The following SPPL3 variants were observed in gnomAD, a reference collection of about 807,000 sequenced individuals.
SPPL3 encodes the protein signal peptide peptidase like 3.
SPPL3 carries 5 observed loss-of-function variants against 42.4 expected under a neutral mutation model. That is an observed-to-expected ratio of 0.12 (90% CI 0.06 to 0.25). The LOEUF is 0.25. Among genes scored for constraint, SPPL3 ranks in the 10% least tolerant of loss-of-function variants. SPPL3 has a pLI of 1.00. For synonymous variants in SPPL3, 195 were observed against 181.8 expected (o/e 1.07, Z -0.58); for missense variants, 235 against 489.0 (o/e 0.48, Z 4.90).
rs112789899 is a variant in SPPL3 at position 120,896,662 on chromosome 12, C to G, written c.23+7183G>C. Among the ~76,000 whole-genome samples, 598 of 152,056 alleles carry G rather than the reference C, an allele frequency of 3.9e-3. 4 individuals carry two copies. Among genetic ancestry groups the G allele is most frequent in the African/African-American group, 0.013 (536 of 41,438 alleles). On this transcript the variant is annotated intron_variant, in intron 1 of 10. Transcript: ENST00000353487. The stretch of plus-strand genomic sequence containing the variant: ...GGCATGGTGGTGTGCACCTGTAATC[C>G]CAGATACTTGGGAGGCTGAGGCAAG...
At chr12:120,847,288 A>T (rs954643657) in intron 1 of SPPL3, among the ~76,000 whole-genome samples, 1 of 151,930 alleles carries the variant, frequency 6.6e-6, no homozygotes, top group African/African-American at 2.4e-5. Context: ...GTTTATTTTT[A>T]TTTATTTATT....
At chr12:120,872,020 T>C (rs771258747) in intron 1 of SPPL3, among the ~76,000 whole-genome samples, 1 of 152,246 alleles carries the variant, frequency 6.6e-6, no homozygotes, top group Non-Finnish European at 1.5e-5. Context: ...GTATGTCCTT[T>C]GAGCATCATG....
At chr12:120,806,760 T>C (rs1315169239) in intron 2 of SPPL3, among the ~76,000 whole-genome samples, 1 of 151,134 alleles carries the variant, frequency 6.6e-6, no homozygotes, top group Non-Finnish European at 1.5e-5. Flanking sequence ...GGCAGGAGAA[T>C]GGCGTGAAGC....
intron 2 of SPPL3, among the ~76,000 whole-genome samples, chr12:120,799,216 A>C (rs1462032823): frequency 6.6e-6 from 1 of 152,218 alleles, no homozygotes; most frequent in Admixed American, 6.5e-5. Context: ...CAGAACACGT[A>C]CATTAGCCTA....
chr12:120,873,438 T>G (rs1566066419), intron 1 of SPPL3, among the ~76,000 whole-genome samples: 2 of 152,000 alleles, frequency 1.3e-5, no homozygotes, highest in Admixed American at 1.3e-4. Context: ...CTCACAGATC[T>G]AAGAAACTCA....
chr12:120,858,708 A>C (rs1872538952), intron 1 of SPPL3, among the ~76,000 whole-genome samples: 2 of 152,186 alleles, frequency 1.3e-5, no homozygotes, highest in Admixed American at 6.5e-5. Context: ...AAACAGGCAA[A>C]GAAGATCCAA....
chr12:120,808,041 T>TA (rs1870558736), intron 2 of SPPL3, among the ~76,000 whole-genome samples: 1 of 152,052 alleles, frequency 6.6e-6, no homozygotes, highest in Non-Finnish European at 1.5e-5. Context: ...TTTGTCAAGT[T>TA]ACATCAACAT....
rs1490480635 is a variant in SPPL3 at position 120,894,752 on chromosome 12, C to T, written c.23+9093G>A. 3.3e-5 allele frequency among the ~76,000 whole-genome samples: 5 copies of T among 152,072 alleles called. No homozygotes were observed. The East Asian group carries it at 9.7e-4, about 30-fold the overall frequency. On this transcript the variant is annotated intron_variant, in intron 1 of 10. Coordinates refer to ENST00000353487, the MANE Select transcript of SPPL3 (RefSeq NM_139015.5). ...CCTGAGGTCGGGAGTTCAAGACCAGCCTGAGCAATATGGAGAAACCCCGTC... is the reference window on the plus strand; with the variant it reads ...CCTGAGGTCGGGAGTTCAAGACCAGTCTGAGCAATATGGAGAAACCCCGTC...
intron 1 of SPPL3, among the ~76,000 whole-genome samples, chr12:120,841,280 G>A (rs572016): frequency 0.49 from 74,364 of 151,672 alleles, 18,442 homozygotes; most frequent in East Asian, 0.56. Context: ...AGCCATGGTC[G>A]TGGCACTGAA....
At chr12:120,765,137 T>TAAAA in intron 10 of SPPL3, 67 bp from the exon 11 acceptor site, 1 of 1,196,682 alleles carries the variant, frequency 8.4e-7, no homozygotes, top group Non-Finnish European at 1.1e-6. Flanking sequence ...TCTGATTCTT[T>TAAAA]AAAAAAAAAA....
chr12:120,777,071 C>A (rs1490986583), intron 6 of SPPL3, among the ~76,000 whole-genome samples: 3 of 152,120 alleles, frequency 2.0e-5, no homozygotes, highest in Admixed American at 1.3e-4. Flanking sequence ...TTTAAAGACA[C>A]CATCATAAAA....
At chr12:120,861,235 A>G (rs868414268) in intron 1 of SPPL3, among the ~76,000 whole-genome samples, 2 of 152,184 alleles carry the variant, frequency 1.3e-5, no homozygotes, top group South Asian at 2.1e-4. Flanking sequence ...GCCATAGATG[A>G]TATGTAAACA....
intron 2 of SPPL3, among the ~76,000 whole-genome samples, chr12:120,800,907 T>C (rs766062114): frequency 2.0e-5 from 3 of 152,258 alleles, no homozygotes; most frequent in Non-Finnish European, 4.4e-5. Flanking sequence ...GCAAGGTTTC[T>C]TTTGATTCAC....
chr12:120,766,915 C>T (rs369749249), intron 9 of SPPL3, among the ~76,000 whole-genome samples: 4 of 152,274 alleles, frequency 2.6e-5, no homozygotes, highest in African/African-American at 7.2e-5. Flanking sequence ...AGTCACTGTG[C>T]GGGAGCAGTT....
chr12:120,838,475 T>A (rs753937647), intron 1 of SPPL3, among the ~76,000 whole-genome samples: 19 of 152,180 alleles, frequency 1.2e-4, no homozygotes, highest in Non-Finnish European at 1.6e-4. Flanking sequence ...TTCGGGGACT[T>A]CCATTTAAGC....
rs1661211000 is a variant in SPPL3, at chr12:120,835,634, G to C, written c.24-24748C>G. The C allele has an allele frequency of 1.3e-5, 2 of 152,168 alleles. 1 individual carries two copies. Among genetic ancestry groups the C allele is most frequent in the Admixed American group, 1.3e-4 (2 of 15,276 alleles). The allele number at this position is 152,168 out of a possible 1,614,324, so 9.4% of individuals were successfully genotyped here. A position where few individuals can be genotyped will look rare whatever the true frequency, so the allele number is the denominator to read the frequency against. ...TTAAAAGATCTCTTCTATGTTGATA[G>C]TATCTTGAAAAACAATATCCTTATG... is the stretch of plus-strand genomic sequence containing the variant. On this transcript the variant is annotated intron_variant, in intron 1 of 10. Coordinates refer to ENST00000353487, the MANE Select transcript of SPPL3 (RefSeq NM_139015.5).
intron 1 of SPPL3, among the ~76,000 whole-genome samples, chr12:120,900,429 C>A (rs1421187614): frequency 6.6e-6 from 1 of 151,270 alleles, no homozygotes; most frequent in Middle Eastern, 3.2e-3. Context: ...GGCAACATGG[C>A]GAAACACAAT....
chr12:120,889,014 A>G (rs1037511056), intron 1 of SPPL3, among the ~76,000 whole-genome samples: 7 of 152,026 alleles, frequency 4.6e-5, no homozygotes, highest in Non-Finnish European at 1.5e-5. Context: ...GGGTTTCGTC[A>G]TGTTGGCGAG....
chr12:120,866,029 C>A (rs1242614876), intron 1 of SPPL3, among the ~76,000 whole-genome samples: 3 of 152,202 alleles, frequency 2.0e-5, no homozygotes, highest in South Asian at 2.1e-4. Flanking sequence ...TGATCTGTCA[C>A]TGATTCCCAT....
Sources: gnomAD v4.1 joint callset for allele counts (sites outside exome capture counted in the v4.1 genomes callset) on GRCh38, gnomAD v4.1.1 for gene constraint, MANE v1.5 for transcripts, NCBI Gene and HGNC (gene_info 2026-07-23, HGNC 2026-07-21) for gene names.